Variants in RALGPS2 observed in about 807,000 individuals in gnomAD.
RALGPS2 encodes ras-specific guanine nucleotide-releasing factor RalGPS2.
Under a neutral mutation model 86.8 loss-of-function variants are expected in RALGPS2, and 43 were observed. The observed-to-expected ratio is 0.50, with a 90% CI of 0.39 to 0.64. RALGPS2 has a LOEUF of 0.64. RALGPS2 is among the 30% of genes least tolerant of loss of function. The pLI, the probability that RALGPS2 is intolerant of heterozygous loss-of-function variation, is 0.00. For missense variants in RALGPS2, 536 were observed against 694.6 expected, an observed-to-expected ratio of 0.77 and a Z score of 2.57; for synonymous variants, 243 against 231.3, an observed-to-expected ratio of 1.05 and a Z score of -0.46.
At position 178,877,490 on chromosome 1, in the gene RALGPS2, T is replaced by C. The variant is rs766009263; in HGVS notation, c.608-8T>C. The C allele has an allele frequency of 6.2e-7, 1 of 1,612,744 alleles. No homozygotes were observed. Among genetic ancestry groups the C allele is most frequent in the Admixed American group, 1.7e-5 (1 of 59,894 alleles). On this transcript the variant is annotated splice_polypyrimidine_tract_variant and splice_region_variant and intron_variant, in intron 8 of 19. Transcript: ENST00000367635. ...AAGAAAACGTTCATTTATCTAATTG[T>C]ATTTCAGGTATCTATTTGTCAGATT...
intron 7 of RALGPS2, among the ~76,000 whole-genome samples, chr1:178,827,585 C>T (rs1572373240): frequency 1.3e-5 from 2 of 151,594 alleles, no homozygotes; most frequent in Admixed American, 1.3e-4. Context: ...TTAGTAGAGA[C>T]GGGGTTTCAC....
At chr1:178,873,137 C>T (rs1658843563) in intron 8 of RALGPS2, among the ~76,000 whole-genome samples, 1 of 151,908 alleles carries the variant, frequency 6.6e-6, no homozygotes, top group African/African-American at 2.4e-5. Context: ...GAGGGGAGAC[C>T]AAGAGAGATG....
intron 19 of RALGPS2, among the ~76,000 whole-genome samples, chr1:178,910,650 T>C (rs1177537200): frequency 6.6e-6 from 1 of 152,206 alleles, no homozygotes; most frequent in Non-Finnish European, 1.5e-5. Flanking sequence ...GATATGCTGC[T>C]GGATTCAGTT....
intron 8 of RALGPS2, among the ~76,000 whole-genome samples, chr1:178,838,218 G>A (rs776355484): frequency 1.3e-5 from 2 of 152,210 alleles, no homozygotes; most frequent in East Asian, 1.9e-4. Flanking sequence ...GAACAGACAG[G>A]CTGCCTCCTC....
chr1:178,849,274 G>A (rs76741817), intron 8 of RALGPS2, among the ~76,000 whole-genome samples: 6,291 of 152,148 alleles, frequency 0.041, 178 homozygotes, highest in African/African-American at 0.074. Flanking sequence ...ATATAATACC[G>A]CTTCTTATTC....
rs1647280188 is a variant in RALGPS2, at chr1:178,921,022, T to C, written c.*4663T>C. ...AGTGAAAGCAAAGTTGGAAATATTT[T>C]GCTTCTCTCAGATTATTGGAAGACC... On this transcript the variant is annotated 3_prime_UTR_variant, in exon 20 of 20. Coordinates refer to ENST00000367635, the MANE Select transcript of RALGPS2 (RefSeq NM_152663.5). The C allele has an allele frequency of 6.6e-6, 1 of 152,062 alleles. No individual in the cohort carries two copies. Among genetic ancestry groups the C allele is most frequent in the African/African-American group, 2.4e-5 (1 of 41,452 alleles). The allele number at this position is 152,062 out of a possible 1,614,324, so 9.4% of individuals were successfully genotyped here. A position where few individuals can be genotyped will look rare whatever the true frequency, so the allele number is the denominator to read the frequency against.
At chr1:178,865,496 C>T in intron 8 of RALGPS2, 1 of 1,614,088 alleles carries the variant, frequency 6.2e-7, no homozygotes, top group Non-Finnish European at 8.5e-7. Flanking sequence ...CCGCTTCTGC[C>T]TGGAGAGCAC....
At chr1:178,730,944 C>T (rs1047275171) in intron 1 of RALGPS2, among the ~76,000 whole-genome samples, 7 of 152,094 alleles carry the variant, frequency 4.6e-5, no homozygotes, top group Non-Finnish European at 1.0e-4. Flanking sequence ...GTGATTCGCC[C>T]ACCTCAGGCT....
intron 1 of RALGPS2, 141 bp downstream of exon 1, chr1:178,725,560 C>A: frequency 6.6e-6 from 1 of 151,772 alleles, no homozygotes; most frequent in South Asian, 2.0e-4. Context: ...CGGGGCTGCT[C>A]GCCCTGCGCG....
intron 7 of RALGPS2, among the ~76,000 whole-genome samples, chr1:178,823,614 G>A (rs1000835094): frequency 2.0e-5 from 3 of 152,134 alleles, no homozygotes; most frequent in African/African-American, 7.2e-5. Flanking sequence ...AAGTAAAAAG[G>A]CCCAGATACA....
chr1:178,773,870 T>C (rs1652935914), intron 1 of RALGPS2, among the ~76,000 whole-genome samples: 1 of 152,232 alleles, frequency 6.6e-6, no homozygotes, highest in Admixed American at 6.5e-5. Flanking sequence ...AAGGTATGCT[T>C]TGCTATATTT....
chr1:178,865,593 C>T, intron 8 of RALGPS2: 1 of 1,614,002 alleles, frequency 6.2e-7, no homozygotes, highest in Non-Finnish European at 8.5e-7. Flanking sequence ...CAGATTGGCC[C>T]TGTTATTCTT....
chr1:178,848,155 A>T (rs1443021490), intron 8 of RALGPS2, among the ~76,000 whole-genome samples: 2 of 151,934 alleles, frequency 1.3e-5, no homozygotes, highest in Non-Finnish European at 2.9e-5. Flanking sequence ...CAAAGAAAAT[A>T]CGAAAATTAG....
intron 1 of RALGPS2, among the ~76,000 whole-genome samples, chr1:178,764,849 G>T (rs1187422609): frequency 6.6e-6 from 1 of 152,142 alleles, no homozygotes; most frequent in Non-Finnish European, 1.5e-5. Context: ...CCAGTGTTGG[G>T]GGTGGGGCCT....
intron 19 of RALGPS2, among the ~76,000 whole-genome samples, chr1:178,912,568 G>A (rs761664386): frequency 2.6e-5 from 4 of 152,136 alleles, no homozygotes; most frequent in Non-Finnish European, 5.9e-5. Flanking sequence ...TTAACCTGAT[G>A]AGGTTCCCTT....
At chr1:178,777,209 T>C (rs1653141152) in intron 2 of RALGPS2, among the ~76,000 whole-genome samples, 1 of 147,664 alleles carries the variant, frequency 6.8e-6, no homozygotes, top group South Asian at 2.1e-4. Context: ...GGATACAAAA[T>C]CAATGTACAA....
rs761776366 is a variant in RALGPS2 at position 178,902,296 on chromosome 1, C to CAT, written c.1630+93_1630+94dup. On this transcript the variant is annotated intron_variant, in intron 18 of 19. Coordinates refer to ENST00000367635, the MANE Select transcript of RALGPS2 (RefSeq NM_152663.5). ...TATGTATGTGTGTGTGTATACTTGTCATATATATAATGTTTTATGCATACA... is the reference window on the plus strand; with the variant it reads ...TATGTATGTGTGTGTGTATACTTGTCATATATATATAATGTTTTATGCATACA... The CAT allele has an allele frequency of 2.3e-4, 249 of 1,069,920 alleles. 1 individual carries two copies. Among genetic ancestry groups the CAT allele is most frequent in the Non-Finnish European group, 3.3e-4 (235 of 712,796 alleles). 66.3% of individuals were successfully genotyped at this position (1,069,920 alleles called of 1,614,324 possible). A position where few individuals can be genotyped will look rare whatever the true frequency, so the allele number is the denominator to read the frequency against.
At chr1:178,788,876 TTTTC>T (rs1212960417) in intron 4 of RALGPS2, among the ~76,000 whole-genome samples, 4 of 136,750 alleles carry the variant, frequency 2.9e-5, no homozygotes, top group Non-Finnish European at 6.4e-5. Flanking sequence ...TTTTCTTTTC[TTTTC>T]TTTCTTTCTT....
intron 4 of RALGPS2, among the ~76,000 whole-genome samples, chr1:178,804,253 C>CTTTTTT (rs11302348): frequency 7.6e-6 from 1 of 132,120 alleles, no homozygotes; most frequent in African/African-American, 2.8e-5. Flanking sequence ...GCTGTTTCTT[C>CTTTTTT]TTTTTTTTTT....
Sources: allele counts gnomAD v4.1 joint callset (sites outside exome capture counted in the v4.1 genomes callset), GRCh38; gene constraint gnomAD v4.1.1; transcripts MANE v1.5; gene names NCBI Gene and HGNC (gene_info 2026-07-23, HGNC 2026-07-21).